The following CABLES1 variants were observed in gnomAD, a reference collection of about 807,000 sequenced individuals.
CABLES1 encodes the protein CDK5 and ABL1 enzyme substrate 1.
A neutral mutation model predicts 57.8 loss-of-function variants in CABLES1; 36 were observed. That is an observed-to-expected ratio of 0.62 (90% CI 0.48 to 0.82). The LOEUF is 0.82. CABLES1 is among the 40% of genes least tolerant of loss of function. The pLI, the probability that CABLES1 is intolerant of heterozygous loss-of-function variation, is 0.00. For synonymous variants in CABLES1, 374 were observed against 363.0 expected (o/e 1.03, Z -0.35); for missense variants, 767 against 836.6 (o/e 0.92, Z 1.03).
At chr18:23,175,721 T>C (rs927171331) in intron 1 of CABLES1, among the ~76,000 whole-genome samples, 1 of 152,230 alleles carries the variant, frequency 6.6e-6, no homozygotes, top group African/African-American at 2.4e-5. Context: ...AGTCTCAGAA[T>C]ATAGGCATGA....
At chr18:23,144,119 C>T (rs1177180909) in intron 1 of CABLES1, among the ~76,000 whole-genome samples, 1 of 152,244 alleles carries the variant, frequency 6.6e-6, no homozygotes. Flanking sequence ...CAGAGCCAGC[C>T]GCTGCTCTCC....
At chr18:23,229,148 C>G in intron 4 of CABLES1, among the ~76,000 whole-genome samples, 1 of 152,182 alleles carries the variant, frequency 6.6e-6, no homozygotes, top group Non-Finnish European at 1.5e-5. Flanking sequence ...CACGGTGGCT[C>G]ACGGCTGCAA....
At chr18:23,155,525 C>G (rs1001079090) in intron 1 of CABLES1, among the ~76,000 whole-genome samples, 1 of 152,186 alleles carries the variant, frequency 6.6e-6, no homozygotes, top group Non-Finnish European at 1.5e-5. Flanking sequence ...CTTTTTATAA[C>G]CCTGGCAAAA....
chr18:23,228,231 G>A (rs2047542182), intron 4 of CABLES1, among the ~76,000 whole-genome samples: 1 of 152,150 alleles, frequency 6.6e-6, no homozygotes, highest in Non-Finnish European at 1.5e-5. Context: ...CATGCATTAT[G>A]GCTCAGTGAG....
intron 3 of CABLES1, among the ~76,000 whole-genome samples, chr18:23,202,263 A>G (rs867376802): frequency 3.5e-4 from 53 of 152,244 alleles, no homozygotes; most frequent in African/African-American, 1.3e-3. Flanking sequence ...AGAAAATGAG[A>G]GGGTGGGTGG....
At chr18:23,234,494 G>A (rs2047588376) in intron 4 of CABLES1, 114 bp from the exon 5 acceptor site, 2 of 783,442 alleles carry the variant, frequency 2.6e-6, no homozygotes, top group Admixed American at 2.1e-5. Flanking sequence ...CATCACCAGG[G>A]CTCACCTGGT....
intron 4 of CABLES1, among the ~76,000 whole-genome samples, chr18:23,223,172 A>G (rs970624963): frequency 6.6e-6 from 1 of 152,168 alleles, no homozygotes; most frequent in African/African-American, 2.4e-5. Context: ...CTAGTCCTCT[A>G]CCAACTCAGG....
At chr18:23,166,454 T>A (rs552202118) in intron 1 of CABLES1, among the ~76,000 whole-genome samples, 2 of 152,324 alleles carry the variant, frequency 1.3e-5, no homozygotes, top group African/African-American at 4.8e-5. Context: ...CTGCCCACCT[T>A]GGCCTCCCAA....
At chr18:23,143,612 AT>A (rs1269882578) in intron 1 of CABLES1, among the ~76,000 whole-genome samples, 31 of 152,362 alleles carry the variant, frequency 2.0e-4, no homozygotes, top group Admixed American at 1.6e-3. Context: ...CAAGGACAGA[AT>A]CGAGTAGTTG....
At chr18:23,252,824 G>A (rs2048071756) in intron 7 of CABLES1, 136 bp from the exon 8 acceptor site, 6 of 595,962 alleles carry the variant, frequency 1.0e-5, no homozygotes, top group Non-Finnish European at 1.5e-5. Context: ...ATTCCGCCGA[G>A]CCCTTGTTGT....
At chr18:23,147,564 G>A (rs1351954200) in intron 1 of CABLES1, among the ~76,000 whole-genome samples, 3 of 152,200 alleles carry the variant, frequency 2.0e-5, no homozygotes, top group African/African-American at 2.4e-5. Context: ...TGCTCTGATC[G>A]TGAGGAGCTG....
Position 23,253,823 on chromosome 18 carries a change from C to T in CABLES1, c.1648C>T (p.Leu550Phe). ...CTTCGTCTACTTTGAAAAGCTCGCC[C>T]TCAAGGGGAAACTCAACAAACAGAA... is the stretch of plus-strand genomic sequence containing the variant. ...MAFVYFEKLA[L>F]KGKLNKQNRK... Residue 550 changes from leucine to phenylalanine, a missense_variant, in exon 9 of 10, where the codon CTC becomes TTC. Transcript: ENST00000256925. 1.9e-6 allele frequency: 3 copies of T among 1,614,238 alleles called. No homozygotes were observed. Among genetic ancestry groups the T allele is most frequent in the Non-Finnish European group, 1.7e-6 (2 of 1,180,044 alleles).
chr18:23,189,163 C>T (rs778358277), intron 2 of CABLES1: 20 of 422,264 alleles, frequency 4.7e-5, no homozygotes, highest in Non-Finnish European at 8.6e-5. Flanking sequence ...CGTGGCGCCT[C>T]TTCATTTTGT....
chr18:23,202,475 G>A (rs2047332241), intron 3 of CABLES1, among the ~76,000 whole-genome samples: 1 of 152,314 alleles, frequency 6.6e-6, no homozygotes, highest in South Asian at 2.1e-4. Flanking sequence ...GCTGCTTATT[G>A]TAAGAGGAGA....
At chr18:23,207,260 CAG>C (rs1206315366) in intron 3 of CABLES1, among the ~76,000 whole-genome samples, 1 of 152,196 alleles carries the variant, frequency 6.6e-6, no homozygotes, top group Non-Finnish European at 1.5e-5. Context: ...TTGCGTGAGT[CAG>C]GGGTGTTGGT....
chr18:23,135,860 C>G lies in CABLES1; in HGVS notation c.98C>G (p.Pro33Arg). The G allele has an allele frequency of 1.0e-6, 1 of 1,001,070 alleles. No homozygotes were observed. The highest frequency in any genetic ancestry group is 1.2e-6 in the Non-Finnish European group (1 of 839,100). 62.0% of individuals were successfully genotyped at this position (1,001,070 alleles called of 1,614,324 possible). ...AGASGLQQPPPQPQPQPAAAA... is the reference protein window; with the variant it reads ...AGASGLQQPPRQPQPQPAAAA... ...GCCAGCGGATTGCAGCAGCCGCCGCCGCAGCCCCAGCCTCAGCCCGCGGCC... is the reference window on the plus strand; with the variant it reads ...GCCAGCGGATTGCAGCAGCCGCCGCGGCAGCCCCAGCCTCAGCCCGCGGCC... Residue 33 changes from proline (P) to arginine (R), a missense_variant, in exon 1 of 10, where the codon CCG becomes CGG. Transcript: ENST00000256925.
intron 1 of CABLES1, among the ~76,000 whole-genome samples, chr18:23,181,213 C>T (rs971245147): frequency 8.5e-5 from 13 of 152,076 alleles, no homozygotes; most frequent in Admixed American, 3.9e-4. Context: ...AGGCCAGCCG[C>T]GGTGTAATCC....
intron 1 of CABLES1, among the ~76,000 whole-genome samples, chr18:23,149,523 G>A (rs901849118): frequency 1.3e-5 from 2 of 152,090 alleles, no homozygotes; most frequent in Non-Finnish European, 2.9e-5. Flanking sequence ...CTCAAGCAGT[G>A]TACCCACCTC....
intron 6 of CABLES1, 48 bp downstream of exon 6, chr18:23,236,099 G>T (rs2047607971): frequency 1.3e-6 from 2 of 1,586,434 alleles, no homozygotes; most frequent in East Asian, 2.2e-5. Flanking sequence ...GGAGGGAGGT[G>T]CCTCCATTTA....
Sources: gnomAD v4.1 joint callset for allele counts (sites outside exome capture counted in the v4.1 genomes callset) on GRCh38, gnomAD v4.1.1 for gene constraint, MANE v1.5 for transcripts, NCBI Gene and HGNC (gene_info 2026-07-23, HGNC 2026-07-21) for gene names.